Variants in UNC13B observed in about 807,000 individuals in gnomAD.
UNC13B encodes the protein protein unc-13 homolog B.
Under a neutral mutation model 211.0 loss-of-function variants are expected in UNC13B, and 144 were observed. That is an observed-to-expected ratio of 0.68 (90% CI 0.60 to 0.78). The LOEUF (loss-of-function observed/expected upper bound fraction) is 0.78, where lower values mean the gene tolerates loss of function less well. UNC13B is among the 30% of genes least tolerant of loss of function. The probability of loss-of-function intolerance (pLI) is 0.00; values close to 1 mark genes in which losing one functional copy is unlikely to be tolerated. For synonymous variants in UNC13B, 709 were observed against 725.8 expected (o/e 0.98, Z 0.37); for missense variants, 1,777 against 2,002.0 (o/e 0.89, Z 2.14).
chr9:35,233,598 T>C (rs1825331035), intron 3 of UNC13B, among the ~76,000 whole-genome samples: 1 of 152,196 alleles, frequency 6.6e-6, no homozygotes, highest in Admixed American at 6.5e-5. Flanking sequence ...CAGTGCTGGT[T>C]TCCTATCTCC....
chr9:35,166,526 A>T (rs1018493207), intron 1 of UNC13B, among the ~76,000 whole-genome samples: 3 of 151,820 alleles, frequency 2.0e-5, no homozygotes, highest in Admixed American at 6.6e-5. Flanking sequence ...TTTTTTTTTT[A>T]AAGATGGGAT....
chr9:35,171,188 A>G (rs1821313412), intron 1 of UNC13B, among the ~76,000 whole-genome samples: 2 of 151,776 alleles, frequency 1.3e-5, no homozygotes, highest in South Asian at 4.2e-4. Flanking sequence ...TGTAACCTCC[A>G]TCTCCCAGGT....
intron 11 of UNC13B, among the ~76,000 whole-genome samples, chr9:35,338,410 A>T (rs1239833187): frequency 2.6e-5 from 4 of 152,202 alleles, no homozygotes; most frequent in Admixed American, 2.6e-4. Flanking sequence ...TGCATCAGTA[A>T]AGTCAGCACA....
At position 35,304,128 on chromosome 9, in the gene UNC13B, G is replaced by A. The variant is rs1430074358; in HGVS notation, c.4724G>A (p.Ser1575Asn). The A allele has an allele frequency of 2.5e-6, 1 of 398,630 alleles. No individual in the cohort carries two copies. The allele number at this position is 398,630 out of a possible 1,614,324, so 24.7% of individuals were successfully genotyped here. A position where few individuals can be genotyped will look rare whatever the true frequency, so the allele number is the denominator to read the frequency against. ...GATTTACAGACAAATGGTCTATCAA[G>A]TATTACGTTGGATGACAGCATTATT... ...DCDLQTNGLS[S>N]ITLDDSIISA... Residue 1575 changes from serine (S) to asparagine (N), a missense_variant, in exon 9 of 40, where the codon AGT (serine) becomes AAT (asparagine). Coordinates refer to ENST00000635942, the MANE Select transcript of UNC13B (RefSeq NM_001371189.2).
intron 11 of UNC13B, among the ~76,000 whole-genome samples, chr9:35,321,444 T>G (rs1405321996): frequency 6.6e-6 from 1 of 152,106 alleles, no homozygotes; most frequent in Non-Finnish European, 1.5e-5. Context: ...CTTGAACTCC[T>G]GGGCTCAAGC....
At chr9:35,237,905 A>T in intron 5 of UNC13B, 79 bp downstream of exon 5, 1 of 1,430,216 alleles carries the variant, frequency 7.0e-7, no homozygotes, top group Non-Finnish European at 9.4e-7. Context: ...ATTAATGTAT[A>T]TTTTGTCACC....
At position 35,337,265 on chromosome 9, in the gene UNC13B, T is replaced by C. The variant is rs1287440911; in HGVS notation, c.9414+23276T>C. ...TCTAGGGAGAATGAATATTTTGCAG[T>C]AGTTGAAGTGAGAAATAAGCCTGGA... On this transcript the variant is annotated intron_variant, in intron 11 of 39. Coordinates refer to ENST00000635942, the MANE Select transcript of UNC13B (RefSeq NM_001371189.2). Among the ~76,000 whole-genome samples, 4 of 152,022 alleles carry C rather than the reference T, an allele frequency of 2.6e-5. No homozygotes were observed. In the South Asian group the frequency reaches 6.2e-4, roughly 24 times the overall value.
chr9:35,165,417 T>C (rs1820981925), intron 1 of UNC13B, among the ~76,000 whole-genome samples: 1 of 151,590 alleles, frequency 6.6e-6, no homozygotes, highest in Non-Finnish European at 1.5e-5. Flanking sequence ...TGAATTTTTT[T>C]TTTTTTTTTT....
At chr9:35,398,102 A>G (rs996935364) in intron 30 of UNC13B, 109 bp from the exon 31 acceptor site, 21 of 917,164 alleles carry the variant, frequency 2.3e-5, no homozygotes, top group African/African-American at 2.2e-4. Context: ...GGAGAAACCT[A>G]TGTCATATGT....
At chr9:35,191,731 G>C (rs183906244) in intron 1 of UNC13B, among the ~76,000 whole-genome samples, 4 of 152,218 alleles carry the variant, frequency 2.6e-5, no homozygotes, top group African/African-American at 9.6e-5. Context: ...TAAAATGGCA[G>C]AGACTAAAAC....
intron 11 of UNC13B, chr9:35,364,573 G>T (rs1471174004): frequency 6.5e-7 from 1 of 1,535,968 alleles, no homozygotes; most frequent in South Asian, 1.2e-5. Flanking sequence ...TTCAGGTTGT[G>T]CCTATGACCC....
intron 11 of UNC13B, among the ~76,000 whole-genome samples, chr9:35,329,281 T>G (rs1413780522): frequency 3.3e-5 from 5 of 151,948 alleles, no homozygotes; most frequent in Admixed American, 1.3e-4. Context: ...GTTAAGTGGG[T>G]AATTAATATA....
intron 24 of UNC13B, among the ~76,000 whole-genome samples, chr9:35,389,133 G>A (rs569644425): frequency 3.9e-5 from 6 of 152,264 alleles, no homozygotes; most frequent in Non-Finnish European, 8.8e-5. Context: ...GGGAGATAAT[G>A]TGTGTTCCAC....
At chr9:35,347,887 G>C (rs1037594979) in intron 11 of UNC13B, among the ~76,000 whole-genome samples, 1 of 152,218 alleles carries the variant, frequency 6.6e-6, no homozygotes, top group South Asian at 2.1e-4. Context: ...AGCCAGTGTC[G>C]TAAGCACTGT....
chr9:35,190,891 GTAA>G (rs1327172713), intron 1 of UNC13B, among the ~76,000 whole-genome samples: 3 of 152,184 alleles, frequency 2.0e-5, no homozygotes, highest in Non-Finnish European at 4.4e-5. Flanking sequence ...GTCACAAAAA[GTAA>G]CCTCACAGGT....
At chr9:35,251,627 A>G (rs1826494752) in intron 6 of UNC13B, among the ~76,000 whole-genome samples, 1 of 152,148 alleles carries the variant, frequency 6.6e-6, no homozygotes, top group Non-Finnish European at 1.5e-5. Flanking sequence ...TGTCTCACCC[A>G]TAAATATATC....
intron 25 of UNC13B, among the ~76,000 whole-genome samples, 169 bp downstream of exon 25, chr9:35,390,142 G>A (rs368072937): frequency 6.6e-6 from 1 of 152,142 alleles, no homozygotes; most frequent in Non-Finnish European, 1.5e-5. Flanking sequence ...CTGGAGACAG[G>A]TGTGGAAACA....
chr9:35,162,364 TC>T, intron 1 of UNC13B, 59 bp downstream of exon 1: 1 of 1,481,834 alleles, frequency 6.7e-7, no homozygotes, highest in African/African-American at 1.4e-5. Flanking sequence ...CCCGCACCCT[TC>T]CAGTGGACGT....
chr9:35,178,970 A>ACT (rs1821790163), intron 1 of UNC13B, among the ~76,000 whole-genome samples: 1 of 151,256 alleles, frequency 6.6e-6, no homozygotes, highest in Non-Finnish European at 1.5e-5. Context: ...ATGAGTCTTT[A>ACT]CTCTTTGCCA....
Sources: gnomAD v4.1 joint callset for allele counts (sites outside exome capture counted in the v4.1 genomes callset) on GRCh38, gnomAD v4.1.1 for gene constraint, MANE v1.5 for transcripts, NCBI Gene and HGNC (gene_info 2026-07-23, HGNC 2026-07-21) for gene names.